The following PODXL2 variants were observed in gnomAD, a reference collection of about 807,000 sequenced individuals.
PODXL2 encodes podocalyxin-like protein 2.
A neutral mutation model predicts 53.4 loss-of-function variants in PODXL2; 17 were observed. The observed-to-expected ratio is 0.32, with a 90% confidence interval of 0.22 to 0.48. The LOEUF (loss-of-function observed/expected upper bound fraction) is 0.48, where lower values mean the gene tolerates loss of function less well. Among genes scored for constraint, PODXL2 ranks in the 20% least tolerant of loss-of-function variants. The pLI is 0.99. For missense variants in PODXL2, 673 were observed against 760.0 expected (o/e 0.89, Z 1.35); for synonymous variants, 311 against 306.7 (o/e 1.01, Z -0.15).
intron 2 of PODXL2, among the ~76,000 whole-genome samples, chr3:127,646,054 G>A (rs1249550432): frequency 6.6e-6 from 1 of 152,182 alleles, no homozygotes; most frequent in African/African-American, 2.4e-5. Flanking sequence ...GCTGCAGACA[G>A]GCCAATCTCA....
At chr3:127,644,624 T>C (rs2107706515) in intron 2 of PODXL2, among the ~76,000 whole-genome samples, 1 of 152,330 alleles carries the variant, frequency 6.6e-6, no homozygotes, top group East Asian at 1.9e-4. Context: ...TTCTTTTTCT[T>C]TCAGTTCATG....
chr3:127,643,667 C>T (rs912545286), intron 2 of PODXL2, among the ~76,000 whole-genome samples: 3 of 151,342 alleles, frequency 2.0e-5, no homozygotes, highest in Non-Finnish European at 4.4e-5. Context: ...GACACAGGGT[C>T]TCGCTTTGTA....
intron 2 of PODXL2, among the ~76,000 whole-genome samples, chr3:127,647,993 T>G (rs1396814926): frequency 2.6e-5 from 4 of 152,156 alleles, no homozygotes; most frequent in Non-Finnish European, 5.9e-5. Context: ...TAGGGAACAC[T>G]CATAAAGTGC....
rs374243558 is a variant in PODXL2, at chr3:127,660,772, C to T, written c.744C>T (p.Val248=). The change falls in exon 3 of 8, where the codon GTC becomes GTT. Residue 248 remains valine (V), a synonymous_variant. Coordinates refer to ENST00000342480, the MANE Select transcript of PODXL2 (RefSeq NM_015720.4). ...GGCCCAGCTTGCTGCTGCCTTCAGT[C>T]ACCCCAACTACAGTGACTCCGGGGG... is the stretch of plus-strand genomic sequence containing the variant. ...SMGPSLLLPS[V]TPTTVTPGDQ... is the part of the protein sequence containing the mutation. 409 of 1,614,046 alleles carry T rather than the reference C, an allele frequency of 2.5e-4. 1 individual carries two copies. The highest frequency in any genetic ancestry group is 3.2e-4 in the Non-Finnish European group (380 of 1,180,020).
chr3:127,668,282 T>C (rs2074807617), intron 4 of PODXL2, among the ~76,000 whole-genome samples, 159 bp from the exon 5 acceptor site: 2 of 152,240 alleles, frequency 1.3e-5, no homozygotes, highest in African/African-American at 4.8e-5. Context: ...CCACATTCCC[T>C]GGCTTGCAGC....
rs776876679 is a variant in PODXL2 at position 127,660,715 on chromosome 3, C to T, written c.687C>T (p.Ala229=). 3.1e-6 allele frequency: 5 copies of T among 1,614,170 alleles called. No individual in the cohort carries two copies. The South Asian group carries it at 3.3e-5, about 11-fold the overall frequency. Residue 229 remains alanine, a synonymous_variant, in exon 3 of 8, where the codon GCC becomes GCT. Transcript: ENST00000342480. ...KSRHEDSGDQ[A]SSGVEVESSM... ...GGCATGAAGACTCCGGGGACCAGGCCTCATCAGGTGTGGAGGTGGAGAGCA... is the reference window on the plus strand; with the variant it reads ...GGCATGAAGACTCCGGGGACCAGGCTTCATCAGGTGTGGAGGTGGAGAGCA...
At chr3:127,668,101 CGTGTGTGT>C (rs55716588) in intron 4 of PODXL2, among the ~76,000 whole-genome samples, 28,138 of 145,768 alleles carry the variant, frequency 0.19, 3,115 homozygotes, top group Middle Eastern at 0.39. Flanking sequence ...TACATGGCTG[CGTGTGTGT>C]GTGTGTGTGT....
At chr3:127,670,121 A>G (rs1288483706) in intron 6 of PODXL2, among the ~76,000 whole-genome samples, 12 of 152,174 alleles carry the variant, frequency 7.9e-5, no homozygotes, top group Admixed American at 7.2e-4. Flanking sequence ...ACTGAGCACC[A>G]CACTGTGCAA....
At chr3:127,671,682 C>T (rs41266485) in intron 7 of PODXL2, 69 bp downstream of exon 7, 267,733 of 1,457,698 alleles carry the variant, frequency 0.18, 26,989 homozygotes, top group Non-Finnish European at 0.21. Context: ...GTGTCCTCAT[C>T]TGCAAGGGGA....
chr3:127,654,913 C>T (rs949951580), intron 2 of PODXL2, among the ~76,000 whole-genome samples: 3 of 151,474 alleles, frequency 2.0e-5, no homozygotes, highest in Non-Finnish European at 2.9e-5. Flanking sequence ...CATGGCAAAA[C>T]CCCGTCTCTA....
chr3:127,640,780 G>A (rs933342732), intron 2 of PODXL2, among the ~76,000 whole-genome samples: 14 of 152,150 alleles, frequency 9.2e-5, no homozygotes, highest in African/African-American at 2.7e-4. Flanking sequence ...TAGTAGTTTG[G>A]GGATACATTG....
At chr3:127,640,356 A>T (rs1162856570) in intron 2 of PODXL2, among the ~76,000 whole-genome samples, 2 of 152,224 alleles carry the variant, frequency 1.3e-5, no homozygotes, top group Admixed American at 6.5e-5. Context: ...TCTAATTATA[A>T]AAGAACACAT....
At chr3:127,669,407 C>A (rs1269658875) in intron 6 of PODXL2, among the ~76,000 whole-genome samples, 1 of 132,450 alleles carries the variant, frequency 7.6e-6, no homozygotes, top group Non-Finnish European at 1.5e-5. Context: ...AACCAAAGGT[C>A]CAATGCAGGC....
At chr3:127,630,074 G>C (rs748673443) in intron 1 of PODXL2, among the ~76,000 whole-genome samples, 1 of 152,180 alleles carries the variant, frequency 6.6e-6, no homozygotes, top group Non-Finnish European at 1.5e-5. Flanking sequence ...AGAAAGAGAC[G>C]GGCCTCCTGA....
In PODXL2 at chr3:127,661,024, C is replaced by T. The variant is rs1000013907; in HGVS notation, c.996C>T (p.Ala332=). 1.2e-6 allele frequency: 2 copies of T among 1,614,148 alleles called. No homozygotes were observed. Among genetic ancestry groups the T allele is most frequent in the Admixed American group, 1.7e-5 (1 of 60,016 alleles). Residue 332 remains alanine, a synonymous_variant, in exon 3 of 8, where the codon GCC becomes GCT. Coordinates refer to ENST00000342480, the MANE Select transcript of PODXL2 (RefSeq NM_015720.4). ...DEDPLGSRTS[A]SSPLAPGDME... The stretch of plus-strand genomic sequence containing the variant: ...ATCCCCTTGGCTCTAGAACCTCAGC[C>T]TCTTCCCCACTGGCCCCTGGAGACA...
chr3:127,657,765 T>C (rs2074734188), intron 2 of PODXL2, among the ~76,000 whole-genome samples: 1 of 152,244 alleles, frequency 6.6e-6, no homozygotes, highest in Non-Finnish European at 1.5e-5. Context: ...TATCAAGTAA[T>C]CATCCAGCCC....
intron 3 of PODXL2, among the ~76,000 whole-genome samples, chr3:127,661,941 C>T (rs559786625): frequency 6.6e-6 from 1 of 152,298 alleles, no homozygotes; most frequent in East Asian, 1.9e-4. Context: ...TGAAAGCCAG[C>T]ATGTGGGGCA....
At position 127,672,378 on chromosome 3, in the gene PODXL2, C is replaced by T. The variant is rs1173572904; in HGVS notation, c.1716C>T (p.Asn572=). The T allele has an allele frequency of 1.6e-5, 24 of 1,546,952 alleles. No individual in the cohort carries two copies. The highest frequency in any genetic ancestry group is 2.0e-5 in the Admixed American group (1 of 51,102). The part of the protein sequence containing the change: ...SEMQEKHPSL[N]GGGALNGPGS... ...TGCAGGAGAAGCACCCCAGCCTGAA[C>T]GGCGGCGGGGCCCTCAACGGCCCGG... Residue 572 remains asparagine (N), a synonymous_variant, in exon 8 of 8, where the codon AAC becomes AAT. Coordinates refer to ENST00000342480, the MANE Select transcript of PODXL2 (RefSeq NM_015720.4).
intron 2 of PODXL2, 107 bp from the exon 3 acceptor site, chr3:127,660,271 C>G: frequency 6.9e-7 from 1 of 1,444,552 alleles, no homozygotes; most frequent in Non-Finnish European, 9.4e-7. Flanking sequence ...CTGATGACCC[C>G]TGCCCTGTCA....
Sources: gnomAD v4.1 joint callset for allele counts (sites outside exome capture counted in the v4.1 genomes callset) on GRCh38, gnomAD v4.1.1 for gene constraint, MANE v1.5 for transcripts, NCBI Gene and HGNC (gene_info 2026-07-23, HGNC 2026-07-21) for gene names.